DAPK1: variants seen among roughly 807,000 people sequenced by gnomAD.
The protein encoded by DAPK1 is death associated protein kinase 1.
A neutral mutation model predicts 144.9 loss-of-function variants in DAPK1; 56 were observed. The observed-to-expected ratio is 0.39, with a 90% CI of 0.31 to 0.48. The LOEUF (loss-of-function observed/expected upper bound fraction) is 0.48, where lower values mean the gene tolerates loss of function less well. Among genes scored for constraint, DAPK1 ranks in the 20% least tolerant of loss-of-function variants. DAPK1 has a pLI of 0.95. For synonymous variants in DAPK1, 690 were observed against 749.0 expected, an observed-to-expected ratio of 0.92 and a Z score of 1.29; for missense variants, 1,454 against 1,875.4, an observed-to-expected ratio of 0.78 and a Z score of 4.15.
chr9:87,506,699 T>TA (rs778527285), intron 2 of DAPK1: 7 of 152,328 alleles, frequency 4.6e-5, no homozygotes, highest in Admixed American at 1.3e-4. Context: ...TTTGTTGGGG[T>TA]AAATTATACA....
intron 2 of DAPK1, among the ~76,000 whole-genome samples, chr9:87,561,120 T>A (rs1414801428): frequency 1.3e-5 from 2 of 152,170 alleles, no homozygotes; most frequent in Non-Finnish European, 2.9e-5. Context: ...AATATGAAAT[T>A]AAAATAGCGG....
chr9:87,639,173 T>C (rs1830002999), intron 4 of DAPK1, among the ~76,000 whole-genome samples, 181 bp from the exon 5 acceptor site: 2 of 152,002 alleles, frequency 1.3e-5, no homozygotes, highest in African/African-American at 4.8e-5. Flanking sequence ...AATCCTTGTC[T>C]CAGGCCTGCT....
intron 2 of DAPK1, among the ~76,000 whole-genome samples, chr9:87,546,382 C>T (rs1426317563): frequency 6.6e-6 from 1 of 152,146 alleles, no homozygotes; most frequent in Non-Finnish European, 1.5e-5. Context: ...GGAATTTCAG[C>T]AGGCTCTGGG....
intron 21 of DAPK1, among the ~76,000 whole-genome samples, chr9:87,696,294 C>T (rs980180640): frequency 6.6e-6 from 1 of 152,068 alleles, no homozygotes; most frequent in Non-Finnish European, 1.5e-5. Context: ...TATACACACA[C>T]ATAATAATGA....
chr9:87,589,936 G>T (rs1250009546), intron 2 of DAPK1, among the ~76,000 whole-genome samples: 1 of 152,132 alleles, frequency 6.6e-6, no homozygotes, highest in Non-Finnish European at 1.5e-5. Flanking sequence ...GAGGTCACAG[G>T]CCTCGGTGAC....
intron 11 of DAPK1, among the ~76,000 whole-genome samples, chr9:87,645,400 A>G (rs1830233170): frequency 6.6e-6 from 1 of 152,174 alleles, no homozygotes. Flanking sequence ...TTCTATACCT[A>G]GCAATGGAAG....
chr9:87,619,688 G>GTTCAAGCT, intron 3 of DAPK1, among the ~76,000 whole-genome samples: 1 of 152,190 alleles, frequency 6.6e-6, no homozygotes, highest in Non-Finnish European at 1.5e-5. Flanking sequence ...TGCATGGGAT[G>GTTCAAGCT]GGAACGAGCT....
At chr9:87,643,347 CTTTTTTT>C in intron 10 of DAPK1, 22 bp from the exon 11 acceptor site, 5 of 1,001,876 alleles carry the variant, frequency 5.0e-6, no homozygotes, top group Admixed American at 5.6e-5. Context: ...CCCGCCCTCC[CTTTTTTT>C]TTTTTTTTTT....
intron 2 of DAPK1, among the ~76,000 whole-genome samples, chr9:87,574,569 A>G (rs1397366130): frequency 2.0e-5 from 3 of 152,224 alleles, no homozygotes; most frequent in South Asian, 2.1e-4. Context: ...TTAATTAATT[A>G]CAGCTGGCAT....
chr9:87,565,252 A>G (rs1220786381), intron 2 of DAPK1, among the ~76,000 whole-genome samples: 2 of 152,168 alleles, frequency 1.3e-5, no homozygotes, highest in Non-Finnish European at 2.9e-5. Flanking sequence ...GCTGTAGAGA[A>G]AGAAAAACGT....
At chr9:87,534,700 A>G (rs1484102539) in intron 2 of DAPK1, among the ~76,000 whole-genome samples, 2 of 149,300 alleles carry the variant, frequency 1.3e-5, no homozygotes, top group Non-Finnish European at 3.0e-5. Context: ...ACTGGAGTGT[A>G]GTGGCGCGAT....
intron 2 of DAPK1, among the ~76,000 whole-genome samples, chr9:87,548,223 C>T (rs559264481): frequency 6.6e-6 from 1 of 152,314 alleles, no homozygotes; most frequent in African/African-American, 2.4e-5. Flanking sequence ...TTCGCAAGGC[C>T]CCCTTGGCTT....
chr9:87,681,791 G>A (rs1488433468), intron 20 of DAPK1, 165 bp downstream of exon 20: 1 of 642,288 alleles, frequency 1.6e-6, no homozygotes, highest in South Asian at 1.8e-5. Context: ...AGCCTTGTGT[G>A]TGCTGCCTGT....
intron 2 of DAPK1, among the ~76,000 whole-genome samples, chr9:87,526,639 A>T (rs923173704): frequency 2.6e-5 from 4 of 152,190 alleles, no homozygotes; most frequent in African/African-American, 9.7e-5. Flanking sequence ...TTGTGATTCT[A>T]ACCAGGTATA....
chr9:87,660,920 C>T (rs989468186), intron 18 of DAPK1, among the ~76,000 whole-genome samples: 8 of 152,240 alleles, frequency 5.3e-5, no homozygotes, highest in African/African-American at 1.9e-4. Flanking sequence ...TCTCGGCTCA[C>T]TGCAACCTCT....
At chr9:87,511,668 TTGTGTGTGTGTGTGTGTGTGTG>T (rs59377718) in intron 2 of DAPK1, among the ~76,000 whole-genome samples, 4 of 140,638 alleles carry the variant, frequency 2.8e-5, no homozygotes, top group Non-Finnish European at 4.6e-5. Context: ...TCTTTTTCTT[TTGTGTGTGTGTGTGTGTGTGTG>T]TGTGTGTGTG....
intron 21 of DAPK1, among the ~76,000 whole-genome samples, chr9:87,695,072 AG>A (rs61264444): frequency 0.065 from 9,831 of 152,164 alleles, 1,084 homozygotes; most frequent in African/African-American, 0.22. Context: ...CCCAGAGCAG[AG>A]CTGGCTGTGG....
intron 2 of DAPK1, among the ~76,000 whole-genome samples, chr9:87,518,107 T>TTTTG (rs1554675840): frequency 1.2e-4 from 3 of 25,328 alleles, no homozygotes; most frequent in African/African-American, 2.5e-4. Flanking sequence ...ATGTTGTTGT[T>TTTTG]TTTTTTTTTT....
At chr9:87,661,450 A>G (rs998445622) in intron 18 of DAPK1, among the ~76,000 whole-genome samples, 4 of 152,212 alleles carry the variant, frequency 2.6e-5, no homozygotes, top group African/African-American at 9.6e-5. Flanking sequence ...AACAATGTAT[A>G]AAAGTTCCCC....
Sources: allele counts gnomAD v4.1 joint callset (sites outside exome capture counted in the v4.1 genomes callset), GRCh38; gene constraint gnomAD v4.1.1; transcripts MANE v1.5; gene names NCBI Gene and HGNC (gene_info 2026-07-23, HGNC 2026-07-21).